Variants in GPC6 observed in about 807,000 individuals in gnomAD.
GPC6 encodes glypican-6.
Under a neutral mutation model 55.2 loss-of-function variants are expected in GPC6, and 14 were observed. That is an observed-to-expected ratio of 0.25 (90% CI 0.17 to 0.40). GPC6 has a LOEUF of 0.40. Ranked by LOEUF, GPC6 falls within the 10% of genes least tolerant of loss-of-function variation. GPC6 has a pLI of 1.00. For synonymous variants in GPC6, 278 were observed against 259.6 expected (o/e 1.07, Z -0.68); for missense variants, 641 against 708.5 (o/e 0.90, Z 1.08).
chr13:93,706,998 G>T (rs766660823), intron 2 of GPC6, among the ~76,000 whole-genome samples: 6 of 151,778 alleles, frequency 4.0e-5, no homozygotes, highest in Non-Finnish European at 8.8e-5. Context: ...GAGTGGTGAG[G>T]ATGTGACCAG....
At chr13:93,440,892 T>C (rs1224924607) in intron 1 of GPC6, among the ~76,000 whole-genome samples, 3 of 136,536 alleles carry the variant, frequency 2.2e-5, no homozygotes, top group Admixed American at 7.5e-5. Context: ...CCCCACCCCA[T>C]GTCCAAGTGT....
intron 3 of GPC6, among the ~76,000 whole-genome samples, chr13:93,832,803 T>C (rs1887570324): frequency 2.0e-5 from 3 of 152,214 alleles, no homozygotes; most frequent in Non-Finnish European, 4.4e-5. Context: ...ATGACCTTTT[T>C]CTCTAGAAGT....
At chr13:93,668,242 C>G (rs557799641) in intron 2 of GPC6, among the ~76,000 whole-genome samples, 2 of 152,298 alleles carry the variant, frequency 1.3e-5, no homozygotes, top group South Asian at 2.1e-4. Flanking sequence ...ACCTTGACAT[C>G]AAACAAGCCA....
At chr13:93,971,899 A>G (rs1257886860) in intron 3 of GPC6, among the ~76,000 whole-genome samples, 1 of 152,214 alleles carries the variant, frequency 6.6e-6, no homozygotes, top group African/African-American at 2.4e-5. Flanking sequence ...TGATTTTGAC[A>G]GCTAAGATGA....
At chr13:93,274,096 T>C (rs9561296) in intron 1 of GPC6, among the ~76,000 whole-genome samples, 37,380 of 152,118 alleles carry the variant, frequency 0.25, 4,732 homozygotes, top group African/African-American at 0.3. Context: ...ACCTGGCTGA[T>C]TGCCTCATTT....
intron 4 of GPC6, among the ~76,000 whole-genome samples, chr13:94,084,604 C>T (rs1383610893): frequency 9.6e-6 from 1 of 104,320 alleles, no homozygotes; most frequent in Non-Finnish European, 1.9e-5. Context: ...AAACTTAATA[C>T]ACAATACATG....
intron 1 of GPC6, chr13:93,395,300 G>T: frequency 2.1e-6 from 1 of 483,868 alleles, no homozygotes; most frequent in South Asian, 2.0e-5. Context: ...GCTGGATGAA[G>T]CACCAGCCAT....
At chr13:93,910,070 T>TGTG (rs896957538) in intron 3 of GPC6, among the ~76,000 whole-genome samples, 13 of 151,946 alleles carry the variant, frequency 8.6e-5, no homozygotes, top group African/African-American at 3.2e-4. Context: ...TTTGTGTGTG[T>TGTG]GTGTGTGTGT....
chr13:94,371,191 C>T (rs561453202), intron 6 of GPC6, among the ~76,000 whole-genome samples: 5 of 152,214 alleles, frequency 3.3e-5, no homozygotes, highest in South Asian at 2.1e-4. Flanking sequence ...TGAGAAATGG[C>T]GATCCCTGTA....
chr13:94,187,078 G>A (rs1295242463), intron 4 of GPC6: 2 of 152,302 alleles, frequency 1.3e-5, no homozygotes, highest in East Asian at 3.9e-4. Context: ...TAGCAGCCTT[G>A]GAAGATCCTG....
At chr13:93,992,940 A>G (rs1331723971) in intron 3 of GPC6, among the ~76,000 whole-genome samples, 1 of 152,210 alleles carries the variant, frequency 6.6e-6, no homozygotes, top group African/African-American at 2.4e-5. Flanking sequence ...CTTAGTTAAT[A>G]TTAGCAGGCC....
chr13:93,940,525 A>G (rs931210373), intron 3 of GPC6, among the ~76,000 whole-genome samples: 2 of 152,064 alleles, frequency 1.3e-5, no homozygotes, highest in Non-Finnish European at 2.9e-5. Flanking sequence ...TCCTCTAGGT[A>G]TAAATACCAG....
intron 1 of GPC6, among the ~76,000 whole-genome samples, chr13:93,340,773 G>A (rs1241226574): frequency 6.6e-6 from 1 of 150,490 alleles, no homozygotes; most frequent in African/African-American, 2.5e-5. Flanking sequence ...ATGAACCATC[G>A]TGAAGATTTA....
chr13:94,288,961 A>C (rs200587192), intron 5 of GPC6, among the ~76,000 whole-genome samples: 33,707 of 131,028 alleles, frequency 0.26, 5,270 homozygotes, highest in Non-Finnish European at 0.34. Flanking sequence ...ATATATAGAT[A>C]GATAGATAGA....
chr13:93,277,028 A>G (rs1877778743), intron 1 of GPC6, among the ~76,000 whole-genome samples: 1 of 152,222 alleles, frequency 6.6e-6, no homozygotes, highest in South Asian at 2.1e-4. Flanking sequence ...TGGAGTCATT[A>G]CATGGTTTCT....
intron 2 of GPC6, among the ~76,000 whole-genome samples, chr13:93,547,492 C>T (rs1272206301): frequency 6.6e-6 from 1 of 152,138 alleles, no homozygotes; most frequent in Non-Finnish European, 1.5e-5. Context: ...AACCTCTCTC[C>T]ACTCTCTCAC....
chr13:93,709,900 T>C (rs1021823221), intron 2 of GPC6, among the ~76,000 whole-genome samples: 3 of 151,788 alleles, frequency 2.0e-5, no homozygotes, highest in Admixed American at 1.3e-4. Context: ...TTCAAATTAT[T>C]AACAGAAAAT....
intron 2 of GPC6, among the ~76,000 whole-genome samples, chr13:93,788,362 T>C (rs1224006530): frequency 6.6e-6 from 1 of 152,172 alleles, no homozygotes; most frequent in Non-Finnish European, 1.5e-5. Flanking sequence ...GGAGACCTCA[T>C]GGCCTAATCA....
upstream of GPC6, among the ~76,000 whole-genome samples, chr13:93,225,722 G>A (rs1041213896): frequency 6.6e-6 from 1 of 152,116 alleles, no homozygotes; most frequent in African/African-American, 2.4e-5. Flanking sequence ...CAAACTCAAA[G>A]ATTTAAACTT....
Sources: gnomAD v4.1 joint callset for allele counts (sites outside exome capture counted in the v4.1 genomes callset) on GRCh38, gnomAD v4.1.1 for gene constraint, MANE v1.5 for transcripts, NCBI Gene and HGNC (gene_info 2026-07-23, HGNC 2026-07-21) for gene names.